The following GXYLT1 variants were observed in gnomAD, a reference collection of about 807,000 sequenced individuals.
GXYLT1 encodes the protein glycosyltransferase 8 domain containing 3.
Under a neutral mutation model 54.0 loss-of-function variants are expected in GXYLT1, and 29 were observed. That is an observed-to-expected ratio of 0.54 (90% CI 0.40 to 0.73). GXYLT1 has a LOEUF of 0.73. GXYLT1 is among the 30% of genes least tolerant of loss of function. GXYLT1 has a pLI of 0.00. For missense variants in GXYLT1, 490 were observed against 553.4 expected (o/e 0.89, Z 1.15); for synonymous variants, 176 against 204.1 (o/e 0.86, Z 1.17).
chr12:42,130,623 G>A (rs1344119650), intron 1 of GXYLT1, among the ~76,000 whole-genome samples: 1 of 152,120 alleles, frequency 6.6e-6, no homozygotes, highest in Non-Finnish European at 1.5e-5. Context: ...CCCCACTGCT[G>A]TGTGTATATA....
intron 2 of GXYLT1, among the ~76,000 whole-genome samples, chr12:42,121,510 A>G (rs2065531382): frequency 6.6e-6 from 1 of 151,976 alleles, no homozygotes; most frequent in African/African-American, 2.4e-5. Flanking sequence ...GCACGCCTGT[A>G]CTCCTAGCTA....
chr12:42,090,277 C>T (rs1482796918), intron 7 of GXYLT1, among the ~76,000 whole-genome samples: 1 of 152,208 alleles, frequency 6.6e-6, no homozygotes, highest in Admixed American at 6.5e-5. Flanking sequence ...ACACTGCATT[C>T]TTCCATTTAC....
chr12:42,116,165 A>T (rs1049407223), intron 3 of GXYLT1, among the ~76,000 whole-genome samples: 4 of 151,944 alleles, frequency 2.6e-5, no homozygotes, highest in Non-Finnish European at 5.9e-5. Flanking sequence ...TAGACCTAAA[A>T]CCATAAAAAC....
rs2065279684 is a variant in GXYLT1 at position 42,084,911 on chromosome 12, T to C, written c.*2875A>G. 6.6e-6 allele frequency: 1 copy of C among 152,308 alleles called. No homozygotes were observed. Among genetic ancestry groups the C allele is most frequent in the Admixed American group, 6.5e-5 (1 of 15,294 alleles). The allele number at this position is 152,308 out of a possible 1,614,324, so 9.4% of individuals were successfully genotyped here. A position where few individuals can be genotyped will look rare whatever the true frequency, so the allele number is the denominator to read the frequency against. The stretch of plus-strand genomic sequence containing the variant: ...TAAAGGCATCCCACTTTGGTAATAC[T>C]GTAGCCCAGAGATAGTTCTGAGGTC... On this transcript the variant is annotated 3_prime_UTR_variant, in exon 8 of 8. Transcript: ENST00000398675.
intron 3 of GXYLT1, among the ~76,000 whole-genome samples, chr12:42,113,304 G>A (rs558243674): frequency 4.6e-5 from 7 of 151,210 alleles, no homozygotes; most frequent in East Asian, 1.9e-4. Context: ...ATGTAAATGG[G>A]CTAAATGCTC....
At chr12:42,119,629 G>A (rs900905771) in intron 2 of GXYLT1, among the ~76,000 whole-genome samples, 4 of 151,896 alleles carry the variant, frequency 2.6e-5, no homozygotes, top group African/African-American at 7.3e-5. Flanking sequence ...GCAACATACC[G>A]AGATCCCATC....
chr12:42,141,307 A>G (rs1303429606), intron 1 of GXYLT1, among the ~76,000 whole-genome samples: 2 of 152,214 alleles, frequency 1.3e-5, no homozygotes, highest in Non-Finnish European at 2.9e-5. Context: ...AAGACTCCCC[A>G]GTCCTTAAGG....
At chr12:42,097,369 T>G (rs1336780396) in intron 7 of GXYLT1, 73 bp downstream of exon 7, 4 of 1,206,170 alleles carry the variant, frequency 3.3e-6, no homozygotes, top group Non-Finnish European at 4.5e-6. Flanking sequence ...CTTTGTACTA[T>G]TTTTGTAAAC....
intron 3 of GXYLT1, among the ~76,000 whole-genome samples, chr12:42,115,489 G>C (rs1357800238): frequency 6.6e-6 from 1 of 152,066 alleles, no homozygotes; most frequent in Non-Finnish European, 1.5e-5. Flanking sequence ...AGCAATAACA[G>C]ACAACTAGAG....
chr12:42,113,931 C>T (rs1268050355), intron 3 of GXYLT1, among the ~76,000 whole-genome samples: 1 of 151,950 alleles, frequency 6.6e-6, no homozygotes, highest in Non-Finnish European at 1.5e-5. Flanking sequence ...CAAACTGTCT[C>T]TCAGACCACA....
At chr12:42,109,541 A>G in intron 4 of GXYLT1, 25 bp downstream of exon 4, 2 of 1,444,070 alleles carry the variant, frequency 1.4e-6, no homozygotes, top group Non-Finnish European at 1.8e-6. Context: ...AAAAAAAAAA[A>G]AAGACACTAG....
At position 42,125,444 on chromosome 12, in the gene GXYLT1, G is replaced by C. The variant is rs1238753109; in HGVS notation, c.314+4315C>G. Among the ~76,000 whole-genome samples the C allele has an allele frequency of 2.0e-5, 3 of 152,178 alleles. No homozygotes were observed. In the East Asian group the frequency reaches 5.8e-4, roughly 29 times the overall value. ...AAACAAATTATCCTGTGACTATTCA[G>C]GGAATGGGGAGAGAAAAGAGCAGAG... On this transcript the variant is annotated intron_variant, in intron 2 of 7. Coordinates refer to ENST00000398675, the MANE Select transcript of GXYLT1 (RefSeq NM_173601.2).
chr12:42,112,305 G>C (rs113760655), intron 3 of GXYLT1, among the ~76,000 whole-genome samples: 3 of 152,296 alleles, frequency 2.0e-5, no homozygotes, highest in African/African-American at 7.2e-5. Flanking sequence ...GAATGACTTT[G>C]ACAAGTTGAG....
At chr12:42,120,883 TAGAA>T (rs2065527067) in intron 2 of GXYLT1, among the ~76,000 whole-genome samples, 1 of 151,824 alleles carries the variant, frequency 6.6e-6, no homozygotes, top group East Asian at 1.9e-4. Context: ...TGGCTGTAAT[TAGAA>T]AGAAGCAATG....
At chr12:42,098,869 T>C (rs773252929) in intron 5 of GXYLT1, among the ~76,000 whole-genome samples, 2 of 151,030 alleles carry the variant, frequency 1.3e-5, no homozygotes, top group Non-Finnish European at 3.0e-5. Context: ...CTTTTGAGGG[T>C]CTTCCATTTT....
chr12:42,134,747 T>C (rs895769036), intron 1 of GXYLT1, among the ~76,000 whole-genome samples: 4 of 152,258 alleles, frequency 2.6e-5, no homozygotes, highest in Non-Finnish European at 5.9e-5. Context: ...CATTCTCAGA[T>C]GAATACTGAA....
intron 1 of GXYLT1, 150 bp downstream of exon 1, chr12:42,144,276 G>T (rs1592131740): frequency 2.4e-6 from 1 of 413,532 alleles, no homozygotes; most frequent in Non-Finnish European, 4.0e-6. Context: ...AGCCCCGGCC[G>T]GAGGGGAAGG....
At chr12:42,089,882 A>G (rs972474227) in intron 7 of GXYLT1, among the ~76,000 whole-genome samples, 8 of 152,210 alleles carry the variant, frequency 5.3e-5, no homozygotes, top group Admixed American at 2.0e-4. Context: ...TTCAAGAAAT[A>G]TTTCAATGTG....
intron 5 of GXYLT1, among the ~76,000 whole-genome samples, chr12:42,100,655 AT>A (rs1475381918): frequency 6.6e-6 from 1 of 151,988 alleles, no homozygotes; most frequent in South Asian, 2.1e-4. Flanking sequence ...TATAATCAGA[AT>A]TTTTTTTAAT....
Sources: allele counts gnomAD v4.1 joint callset (sites outside exome capture counted in the v4.1 genomes callset), GRCh38; gene constraint gnomAD v4.1.1; transcripts MANE v1.5; gene names NCBI Gene and HGNC (gene_info 2026-07-23, HGNC 2026-07-21).